The following ZNF208 variants were observed in gnomAD, a reference collection of about 807,000 sequenced individuals.
ZNF208 encodes the protein zinc finger protein 208.
Under a neutral mutation model 12.1 loss-of-function variants are expected in ZNF208, and 10 were observed. The observed-to-expected ratio is 0.83, with a 90% CI of 0.51 to 1.40. The LOEUF (loss-of-function observed/expected upper bound fraction) is 1.40, where lower values mean the gene tolerates loss of function less well. ZNF208 is among the 40% of genes most tolerant of loss of function. ZNF208 has a pLI of 0.00. For synonymous variants in ZNF208, 497 were observed against 488.4 expected, an observed-to-expected ratio of 1.02 and a Z score of -0.23; for missense variants, 1,652 against 1,485.0, an observed-to-expected ratio of 1.11 and a Z score of -1.85.
At position 21,988,826 on chromosome 19, in the gene ZNF208, A is replaced by T. The variant is rs750633404; in HGVS notation, c.87T>A (p.Tyr29Ter). 1 of 1,614,170 alleles carries T rather than the reference A, an allele frequency of 6.2e-7. No homozygotes were observed. Among genetic ancestry groups the T allele is most frequent in the South Asian group, 1.1e-5 (1 of 91,086 alleles). Reference protein sequence around the residue: ...QCLDTAQQNLYRNVMLENYRN... With the variant: ...QCLDTAQQNL Reference sequence around the variant, plus strand: ...TGTAGTTCTCTAACATCACATTTCTATATAAATTCTGCTGTGCAGTGTCCA... The same window carrying T: ...TGTAGTTCTCTAACATCACATTTCTTTATAAATTCTGCTGTGCAGTGTCCA... Residue 29 changes from tyrosine to a stop codon, truncating the protein, a stop_gained, in exon 2 of 4, where the codon TAT (tyrosine) becomes TAA (stop). Coordinates refer to ENST00000397126, the MANE Select transcript of ZNF208 (RefSeq NM_007153.3). LOFTEE classifies it high-confidence loss of function.
rs550293952 is a variant in ZNF208 at position 22,001,770 on chromosome 19, G to A, written c.3+9022C>T. 1.4e-4 allele frequency among the ~76,000 whole-genome samples: 21 copies of A among 151,506 alleles called. No individual in the cohort carries two copies. The South Asian group carries it at 2.9e-3, about 21-fold the overall frequency. On this transcript the variant is annotated intron_variant, in intron 1 of 3. Coordinates refer to ENST00000397126, the MANE Select transcript of ZNF208 (RefSeq NM_007153.3). ...TAGCTGGGCATGGTAGCACACACCT[G>A]TAATCCCAGCTACTCAAGAGGCTGA...
intron 4 of ZNF208, among the ~76,000 whole-genome samples, chr19:21,948,021 G>T (rs1969838727): frequency 6.6e-6 from 1 of 152,080 alleles, no homozygotes; most frequent in Admixed American, 6.6e-5. Context: ...CATCTATGAT[G>T]GTGGCTGGGA....
Position 21,973,606 on chromosome 19 carries a change from A to G in ZNF208, c.1428T>C (p.Asn476=). 6.2e-7 allele frequency: 1 copy of G among 1,611,812 alleles called. No individual in the cohort carries two copies. Among genetic ancestry groups the G allele is most frequent in the Non-Finnish European group, 8.5e-7 (1 of 1,179,516 alleles). ...CTTCACATTTGTAGGGTTTCTCTCC[A>G]TTATGAATTACCTTATGTTTAGTAA... ...SILTKHKVIH[N]GEKPYKCEEC... The change falls in exon 4 of 4, where the codon AAT becomes AAC. Residue 476 remains asparagine, a synonymous_variant. Transcript: ENST00000397126.
rs1255147993 is a variant in ZNF208 at position 21,974,530 on chromosome 19, AGTAT to A, written c.500_503del (p.His167LeufsTer82). 6.2e-7 allele frequency: 1 copy of A among 1,613,600 alleles called. No homozygotes were observed. Among genetic ancestry groups the A allele is most frequent in the Non-Finnish European group, 8.5e-7 (1 of 1,179,736 alleles). Reference sequence around the variant, plus strand: ...CTTTACATTGCAAATGTTTCTTTCCAGTATGCCTTATCTTATGTCTGTTTGAATT... The same window carrying A: ...CTTTACATTGCAAATGTTTCTTTCCAGCCTTATCTTATGTCTGTTTGAATT... On this transcript the variant is annotated frameshift_variant, in exon 4 of 4. Transcript: ENST00000397126. LOFTEE classifies it low-confidence loss of function (END_TRUNC).
intron 4 of ZNF208, among the ~76,000 whole-genome samples, chr19:21,957,073 ACT>A (rs929734196): frequency 1.4e-5 from 2 of 146,778 alleles, no homozygotes; most frequent in African/African-American, 5.1e-5. Context: ...ACATAGTCTC[ACT>A]CTGTCTGTGG....
At position 21,971,258 on chromosome 19, in the gene ZNF208, C is replaced by A. The variant is rs1285650109; in HGVS notation, c.3776G>T (p.Gly1259Val). Reference sequence around the variant, plus strand: ...GACTGATAACCAGCTGAAGGCTTTGCCACATTCTTCACATTTGTAGGGTTT... The same window carrying A: ...GACTGATAACCAGCTGAAGGCTTTGACACATTCTTCACATTTGTAGGGTTT... ...GEKPYKCEEC[G>V]KAFSWLSVFS... Residue 1259 changes from glycine to valine, a missense_variant, in exon 4 of 4, where the codon GGC becomes GTC. This residue lies in a region of ZNF208 where 1,239 missense variants were observed against 1,086.2 expected (regional missense o/e 1.14). Coordinates refer to ENST00000397126, the MANE Select transcript of ZNF208 (RefSeq NM_007153.3). 1.9e-6 allele frequency: 3 copies of A among 1,612,078 alleles called. No individual in the cohort carries two copies. Among genetic ancestry groups the A allele is most frequent in the South Asian group, 1.1e-5 (1 of 91,032 alleles).
chr19:21,989,971 T>C (rs2145569282), intron 1 of ZNF208, among the ~76,000 whole-genome samples: 1 of 152,320 alleles, frequency 6.6e-6, no homozygotes, highest in South Asian at 2.1e-4. Context: ...TCACTGTAGA[T>C]TCTGGATATT....
intron 4 of ZNF208, among the ~76,000 whole-genome samples, chr19:21,959,316 TGTGAA>T (rs1349262710): frequency 1.3e-5 from 2 of 152,232 alleles, no homozygotes; most frequent in Non-Finnish European, 2.9e-5. Flanking sequence ...GTGCTACCCA[TGTGAA>T]GTGTTCTTCT....
downstream of ZNF208, chr19:21,965,864 A>G (rs1030721363): frequency 2.6e-5 from 4 of 152,046 alleles, no homozygotes; most frequent in Non-Finnish European, 5.9e-5. Flanking sequence ...AATTAAGTCT[A>G]TAGTGTAGTG....
chr19:21,952,502 C>A (rs1208939016), intron 4 of ZNF208, among the ~76,000 whole-genome samples: 1 of 152,228 alleles, frequency 6.6e-6, no homozygotes. Flanking sequence ...TGCCATTCTG[C>A]AGCCTCTGCT....
chr19:21,966,469 G>A lies in ZNF208; in HGVS notation c.*4722C>T, dbSNP rs1970169510. The A allele has an allele frequency of 6.6e-6, 1 of 152,072 alleles. No individual in the cohort carries two copies. The highest frequency in any genetic ancestry group is 6.6e-5 in the Admixed American group (1 of 15,234). The allele number at this position is 152,072 out of a possible 1,614,324, so 9.4% of individuals were successfully genotyped here. ...TCTTCTGTTGCTGCATAGTATTGGAGGTTGTATAAGTACATCATTTTTCTT... is the reference window on the plus strand; with the variant it reads ...TCTTCTGTTGCTGCATAGTATTGGAAGTTGTATAAGTACATCATTTTTCTT... On this transcript the variant is annotated 3_prime_UTR_variant, in exon 4 of 4. Coordinates refer to ENST00000397126, the MANE Select transcript of ZNF208 (RefSeq NM_007153.3).
rs531076971 is a variant in ZNF208 at position 21,969,749 on chromosome 19, T to C, written c.*1442A>G. ...AGTACATGTACTACAACCCTCTTAATATTTATAATGTGTTTCCTCAAAATA... is the reference window on the plus strand; with the variant it reads ...AGTACATGTACTACAACCCTCTTAACATTTATAATGTGTTTCCTCAAAATA... On this transcript the variant is annotated 3_prime_UTR_variant, in exon 4 of 4. Transcript: ENST00000397126. Among the ~76,000 whole-genome samples, 1 of 152,302 alleles carries C rather than the reference T, an allele frequency of 6.6e-6. No homozygotes were observed. Among genetic ancestry groups the C allele is most frequent in the African/African-American group, 2.4e-5 (1 of 41,578 alleles).
intron 4 of ZNF208, among the ~76,000 whole-genome samples, chr19:21,947,424 A>T (rs1407080209): frequency 6.6e-6 from 1 of 152,210 alleles, no homozygotes; most frequent in Admixed American, 6.5e-5. Context: ...GCCTAAAAAT[A>T]TAAAGTTGGA....
intron 3 of ZNF208, among the ~76,000 whole-genome samples, chr19:21,986,313 C>T (rs1257479141): frequency 6.6e-6 from 1 of 152,136 alleles, no homozygotes; most frequent in Non-Finnish European, 1.5e-5. Flanking sequence ...AATAAATACA[C>T]TCAGTAAATT....
chr19:21,958,177 C>A (rs867899023), intron 4 of ZNF208, among the ~76,000 whole-genome samples: 1 of 149,134 alleles, frequency 6.7e-6, no homozygotes. Context: ...TAGTTTCTAA[C>A]AAAAAAAAAA....
intron 2 of ZNF208, among the ~76,000 whole-genome samples, chr19:21,987,683 A>G (rs1970651500): frequency 1.3e-5 from 2 of 152,182 alleles, no homozygotes; most frequent in East Asian, 3.9e-4. Flanking sequence ...ACCCCCCAAC[A>G]GCTGCTCTCC....
chr19:22,000,040 T>A (rs967425056), intron 1 of ZNF208, among the ~76,000 whole-genome samples: 1 of 152,106 alleles, frequency 6.6e-6, no homozygotes, highest in East Asian at 1.9e-4. Flanking sequence ...ATAAAAAAAC[T>A]CCATGGGTTC....
chr19:21,941,542 G>GT (rs5827514), intron 4 of ZNF208: 32 of 383,456 alleles, frequency 8.3e-5, no homozygotes, highest in Middle Eastern at 6.7e-4. Context: ...AAAGTTATTT[G>GT]TTTTTTTTTA....
downstream of ZNF208, among the ~76,000 whole-genome samples, chr19:21,963,765 A>G (rs1970116839): frequency 6.6e-6 from 1 of 152,046 alleles, no homozygotes; most frequent in Non-Finnish European, 1.5e-5. Flanking sequence ...TTGAGAGACT[A>G]GATTTACAGT....
Sources: allele counts gnomAD v4.1 joint callset (sites outside exome capture counted in the v4.1 genomes callset), GRCh38; gene constraint gnomAD v4.1.1; regional missense constraint gnomAD v4.1.1; transcripts MANE v1.5; gene names NCBI Gene and HGNC (gene_info 2026-07-23, HGNC 2026-07-21).